Variants in TLE1 observed in about 807,000 individuals in gnomAD.
TLE1 encodes the protein transducin-like enhancer protein 1.
A neutral mutation model predicts 89.8 loss-of-function variants in TLE1; 21 were observed. The ratio of observed to expected loss-of-function variants is 0.23; its 90% CI spans 0.17 to 0.34. The LOEUF (loss-of-function observed/expected upper bound fraction) is 0.34. Among genes scored for constraint, TLE1 ranks in the 10% least tolerant of loss-of-function variants. TLE1 has a pLI of 1.00. For synonymous variants in TLE1, 447 were observed against 407.6 expected, an observed-to-expected ratio of 1.10 and a Z score of -1.16; for missense variants, 795 against 1,031.2, an observed-to-expected ratio of 0.77 and a Z score of 3.14.
At chr9:81,662,235 C>T (rs1441117918) in intron 4 of TLE1, among the ~76,000 whole-genome samples, 4 of 143,976 alleles carry the variant, frequency 2.8e-5, no homozygotes, top group Admixed American at 6.7e-5. Context: ...CAGTTAAATA[C>T]GCTACACACC....
intron 4 of TLE1, among the ~76,000 whole-genome samples, chr9:81,681,455 C>T (rs2133114653): frequency 6.6e-6 from 1 of 151,826 alleles, no homozygotes; most frequent in South Asian, 2.1e-4. Flanking sequence ...GAGGCTGAGG[C>T]AGGAGAATCG....
intron 8 of TLE1, among the ~76,000 whole-genome samples, chr9:81,628,621 AAG>A (rs1308841976): frequency 1.3e-5 from 2 of 152,194 alleles, no homozygotes; most frequent in Non-Finnish European, 2.9e-5. Context: ...TAACAAAAGA[AAG>A]AAACCACTTT....
intron 17 of TLE1, among the ~76,000 whole-genome samples, chr9:81,586,065 T>C (rs976796286): frequency 2.7e-5 from 4 of 148,206 alleles, no homozygotes; most frequent in African/African-American, 1.0e-4. Context: ...TCGCCCAGGC[T>C]GGAGTGAAGC....
chr9:81,622,741 G>A (rs1418311973), intron 8 of TLE1, among the ~76,000 whole-genome samples: 2 of 152,120 alleles, frequency 1.3e-5, no homozygotes, highest in African/African-American at 4.8e-5. Context: ...CTGAAAATGG[G>A]CCCCATTCAA....
intron 7 of TLE1, 65 bp downstream of exon 7, chr9:81,634,032 C>T: frequency 6.6e-7 from 1 of 1,517,480 alleles, no homozygotes. Context: ...TAGCGATGCA[C>T]ACAACTTTGC....
At position 81,611,942 on chromosome 9, in the gene TLE1, G is replaced by T. The variant is rs1197695239; in HGVS notation, c.1081C>A (p.Pro361Thr). 1 of 1,467,070 alleles carries T rather than the reference G, an allele frequency of 6.8e-7. No individual in the cohort carries two copies. Among genetic ancestry groups the T allele is most frequent in the Non-Finnish European group, 9.0e-7 (1 of 1,110,006 alleles). 90.9% of individuals were successfully genotyped at this position (1,467,070 alleles called of 1,614,324 possible). ...VNQAAAGLRT[P>T]LAVPGPYPAP... The stretch of plus-strand genomic sequence containing the variant: ...GGATATGGGCCGGGCACTGCCAGGG[G>T]TGTCCTCAAGCCAGCTGCTGAAAGG... Residue 361 changes from proline to threonine, a missense_variant, in exon 13 of 20, where the codon CCC (proline) becomes ACC (threonine). Physicochemically the swap from Pro to Thr is conservative, Grantham distance 38. Around this residue, in one of 4 missense-constraint regions of TLE1, gnomAD observed 468 missense variants for 509.1 expected, o/e 0.92. Coordinates refer to ENST00000376499, the MANE Select transcript of TLE1 (RefSeq NM_005077.5).
chr9:81,656,496 A>T (rs1830164646), intron 4 of TLE1, among the ~76,000 whole-genome samples: 1 of 152,240 alleles, frequency 6.6e-6, no homozygotes, highest in Admixed American at 6.5e-5. Flanking sequence ...ATACATATAC[A>T]GAAATATAAA....
chr9:81,660,800 T>C (rs1376834350), intron 4 of TLE1, among the ~76,000 whole-genome samples: 2 of 151,336 alleles, frequency 1.3e-5, no homozygotes, highest in African/African-American at 2.4e-5. Context: ...TCTGCGACTT[T>C]TAAATTCAAG....
chr9:81,632,475 C>CTTTTTTTTTTTT (rs11376391), intron 8 of TLE1, among the ~76,000 whole-genome samples: 1 of 79,880 alleles, frequency 1.3e-5, no homozygotes. Flanking sequence ...TTCAGTATCC[C>CTTTTTTTTTTTT]TTTTTTTTTT....
At chr9:81,647,376 C>G in intron 6 of TLE1, among the ~76,000 whole-genome samples, 1 of 152,230 alleles carries the variant, frequency 6.6e-6, no homozygotes, top group Non-Finnish European at 1.5e-5. Context: ...ATCTGTTCCC[C>G]AAACTTAAGT....
chr9:81,667,183 CAG>C (rs1397120714), intron 4 of TLE1, among the ~76,000 whole-genome samples: 1 of 151,736 alleles, frequency 6.6e-6, no homozygotes, highest in Non-Finnish European at 1.5e-5. Context: ...GAGGCCGAGG[CAG>C]GTGGATCACT....
intron 6 of TLE1, among the ~76,000 whole-genome samples, chr9:81,637,930 C>G (rs1244786498): frequency 6.6e-6 from 1 of 152,162 alleles, no homozygotes; most frequent in East Asian, 1.9e-4. Flanking sequence ...CTACAGGGCT[C>G]AGAGCCAGAA....
At chr9:81,639,588 G>GTTTT (rs374444332) in intron 6 of TLE1, among the ~76,000 whole-genome samples, 1 of 123,456 alleles carries the variant, frequency 8.1e-6, no homozygotes, top group Non-Finnish European at 1.7e-5. Context: ...TTTTTTTTTT[G>GTTTT]TTTTTTTTTT....
At chr9:81,626,748 G>A (rs927991142) in intron 8 of TLE1, among the ~76,000 whole-genome samples, 5 of 152,108 alleles carry the variant, frequency 3.3e-5, no homozygotes, top group African/African-American at 4.8e-5. Flanking sequence ...GACACACAGG[G>A]CCGGTTAATG....
rs889698118 is a variant in TLE1, at chr9:81,688,609, C to T, written c.-369G>A. 4.2e-6 allele frequency: 1 copy of T among 239,512 alleles called. No homozygotes were observed. The highest frequency in any genetic ancestry group is 7.9e-6 in the Non-Finnish European group (1 of 125,820). 14.8% of individuals were successfully genotyped at this position (239,512 alleles called of 1,614,324 possible). A position where few individuals can be genotyped will look rare whatever the true frequency, so the allele number is the denominator to read the frequency against. ...GCGGTGACTCCGACCGCACTCCCCT[C>T]GGCGATCCGCGTGCGCGGCGCCAGT... is the stretch of plus-strand genomic sequence containing the variant. On this transcript the variant is annotated 5_prime_UTR_variant, in exon 1 of 20. Transcript: ENST00000376499.
Position 81,633,338 on chromosome 9 carries a change from G to C in TLE1, c.594+10C>G, listed in dbSNP as rs537460255. The C allele has an allele frequency of 9.3e-6, 15 of 1,608,734 alleles. No homozygotes were observed. The East Asian group carries it at 1.8e-4, about 19-fold the overall frequency. The stretch of plus-strand genomic sequence containing the variant: ...GTGTGTGTGTGTGCAGCAGGCGTTT[G>C]AGTACTTACTGTGCCCGGCTCTCTG... On this transcript the variant is annotated intron_variant, in intron 8 of 19. Transcript: ENST00000376499.
chr9:81,654,861 T>G (rs1829973997), intron 4 of TLE1, among the ~76,000 whole-genome samples: 1 of 152,178 alleles, frequency 6.6e-6, no homozygotes, highest in South Asian at 2.1e-4. Context: ...TGTTCATAGC[T>G]TCCCTAAGTC....
At chr9:81,618,549 T>C (rs1359961794) in intron 9 of TLE1, among the ~76,000 whole-genome samples, 1 of 152,196 alleles carries the variant, frequency 6.6e-6, no homozygotes, top group Non-Finnish European at 1.5e-5. Context: ...TGAGGAAGCC[T>C]GGGTAATCCT....
At chr9:81,666,882 G>C (rs72747292) in intron 4 of TLE1, among the ~76,000 whole-genome samples, 11,852 of 152,214 alleles carry the variant, frequency 0.078, 644 homozygotes, top group Non-Finnish European at 0.11. Flanking sequence ...ACTTTTGAGA[G>C]CAAGGTAAGA....
Sources: allele counts gnomAD v4.1 joint callset (sites outside exome capture counted in the v4.1 genomes callset), GRCh38; gene constraint gnomAD v4.1.1; regional missense constraint gnomAD v4.1.1; transcripts MANE v1.5; gene names NCBI Gene and HGNC (gene_info 2026-07-23, HGNC 2026-07-21).